The following FREM1 variants were observed in gnomAD, a reference collection of about 807,000 sequenced individuals.
FREM1 encodes FRAS1 related extracellular matrix 1.
A neutral mutation model predicts 210.1 loss-of-function variants in FREM1; 220 were observed. The ratio of observed to expected loss-of-function variants is 1.05; its 90% CI spans 0.94 to 1.17. The LOEUF (loss-of-function observed/expected upper bound fraction) is 1.17, where lower values mean the gene tolerates loss of function less well. FREM1 is among the 50% of genes most tolerant of loss of function. The pLI, the probability that FREM1 is intolerant of heterozygous loss-of-function variation, is 0.00. For synonymous variants in FREM1, 1,189 were observed against 980.2 expected, an observed-to-expected ratio of 1.21 and a Z score of -3.98; for missense variants, 3,454 against 2,675.5, an observed-to-expected ratio of 1.29 and a Z score of -6.42.
Position 14,770,706 on chromosome 9 carries a change from G to A in FREM1, c.4958C>T (p.Ser1653Phe), listed in dbSNP as rs758627757. Residue 1653 changes from serine to phenylalanine, a missense_variant, in exon 26 of 37, where the codon TCC becomes TTC. Transcript: ENST00000380880. ...KNGCYGIYIT[S>F]RVLKASDPDT... Reference sequence around the variant, plus strand: ...AGGGTCTGATGCCTTCAACACGCGGGAAGTGATGTAAATCCCGTAGCAGCC... The same window carrying A: ...AGGGTCTGATGCCTTCAACACGCGGAAAGTGATGTAAATCCCGTAGCAGCC... The A allele has an allele frequency of 3.1e-6, 5 of 1,613,166 alleles. No individual in the cohort carries two copies. The highest frequency in any genetic ancestry group is 2.7e-5 in the African/African-American group (2 of 74,896).
At chr9:14,841,612 C>T (rs769047992) in intron 9 of FREM1, 23 bp from the exon 10 acceptor site, 1 of 1,544,818 alleles carries the variant, frequency 6.5e-7, no homozygotes, top group Admixed American at 1.8e-5. Flanking sequence ...TAAAACACCA[C>T]ATACTTTTGT....
chr9:14,776,306 G>A, intron 24 of FREM1, 103 bp from the exon 25 acceptor site: 1 of 1,296,146 alleles, frequency 7.7e-7, no homozygotes, highest in East Asian at 2.6e-5. Flanking sequence ...GTATTGTCGT[G>A]TTGTGACTCA....
intron 21 of FREM1, among the ~76,000 whole-genome samples, 167 bp from the exon 22 acceptor site, chr9:14,793,051 C>T (rs920991927): frequency 1.6e-4 from 24 of 152,222 alleles, no homozygotes; most frequent in African/African-American, 5.3e-4. Context: ...AGGCTCTCTA[C>T]CCTCACACGT....
intron 10 of FREM1, among the ~76,000 whole-genome samples, chr9:14,832,467 A>C (rs1233285827): frequency 2.0e-5 from 3 of 152,234 alleles, no homozygotes; most frequent in South Asian, 2.1e-4. Context: ...GAGAAAAAAT[A>C]GGGAAGGCAA....
rs759434178 is a variant in FREM1, at chr9:14,801,729, G to A, written c.3617C>T (p.Ser1206Phe). Residue 1206 changes from serine to phenylalanine, a missense_variant, in exon 20 of 37, where the codon TCT (serine) becomes TTT (phenylalanine). By Grantham distance (155) the Ser-to-Phe change is radical. Coordinates refer to ENST00000380880, the MANE Select transcript of FREM1 (RefSeq NM_001379081.2). ...AGGGTTGGCTGGCTGCTTATTCTCAGAGAAGTCTTTGCTAAACCCCCTATC... is the reference window on the plus strand; with the variant it reads ...AGGGTTGGCTGGCTGCTTATTCTCAAAGAAGTCTTTGCTAAACCCCCTATC... ...LIDRGFSKDF[S>F]ENKQPANPHQ... is the part of the protein sequence containing the mutation. 2 of 1,614,006 alleles carry A rather than the reference G, an allele frequency of 1.2e-6. No individual in the cohort carries two copies. Among genetic ancestry groups the A allele is most frequent in the East Asian group, 2.2e-5 (1 of 44,882 alleles).
chr9:14,906,337 C>T (rs751412508), intron 1 of FREM1, among the ~76,000 whole-genome samples: 21 of 152,126 alleles, frequency 1.4e-4, no homozygotes, highest in Non-Finnish European at 2.9e-4. Flanking sequence ...CCGGCCCTTG[C>T]GTCAATACTG....
chr9:14,834,088 G>C (rs564333317), intron 10 of FREM1, among the ~76,000 whole-genome samples: 1 of 152,332 alleles, frequency 6.6e-6, no homozygotes, highest in East Asian at 1.9e-4. Flanking sequence ...TTCGCATTAT[G>C]AGAGAGCTTT....
At chr9:14,806,994 A>ATCATTC in intron 17 of FREM1, 148 bp from the exon 18 acceptor site, 1 of 539,106 alleles carries the variant, frequency 1.9e-6, no homozygotes, top group Non-Finnish European at 3.2e-6. Context: ...TTTCTTTGGC[A>ATCATTC]TCATTCTCTT....
At chr9:14,818,415 G>A (rs1820694774) in intron 14 of FREM1, among the ~76,000 whole-genome samples, 2 of 152,158 alleles carry the variant, frequency 1.3e-5, no homozygotes, top group Admixed American at 6.5e-5. Flanking sequence ...CTTAGTTTCT[G>A]GTCAACTTTC....
chr9:14,833,335 G>C (rs1823928484), intron 10 of FREM1, among the ~76,000 whole-genome samples: 1 of 152,148 alleles, frequency 6.6e-6, no homozygotes, highest in African/African-American at 2.4e-5. Context: ...TATATCTTGG[G>C]AAGCGGCTGT....
intron 27 of FREM1, among the ~76,000 whole-genome samples, chr9:14,761,379 C>A (rs1288154007): frequency 1.3e-5 from 2 of 152,106 alleles, no homozygotes; most frequent in African/African-American, 4.8e-5. Context: ...TTTATTCAGT[C>A]AGATTTAAAA....
In FREM1 at chr9:14,869,021, T is replaced by G; in HGVS notation, c.-44A>C. 7.2e-7 allele frequency: 1 copy of G among 1,380,164 alleles called. No individual in the cohort carries two copies. The highest frequency in any genetic ancestry group is 1.4e-5 in the African/African-American group (1 of 69,684). 85.5% of individuals were successfully genotyped at this position (1,380,164 alleles called of 1,614,324 possible). ...TTCTCTGTCCACCGGCGAAATCCCTTTAACAAAGGAGGGCTTCTGTGCTTC... is the reference window on the plus strand; with the variant it reads ...TTCTCTGTCCACCGGCGAAATCCCTGTAACAAAGGAGGGCTTCTGTGCTTC... On this transcript the variant is annotated 5_prime_UTR_variant, in exon 2 of 37. Transcript: ENST00000380880.
At chr9:14,888,331 T>C (rs1294784313) in intron 1 of FREM1, among the ~76,000 whole-genome samples, 2 of 152,152 alleles carry the variant, frequency 1.3e-5, no homozygotes, top group African/African-American at 4.8e-5. Flanking sequence ...TAACCACTAC[T>C]GTTATATATA....
intron 1 of FREM1, among the ~76,000 whole-genome samples, chr9:14,909,476 G>A (rs1818355521): frequency 1.3e-5 from 2 of 152,156 alleles, no homozygotes; most frequent in African/African-American, 4.8e-5. Context: ...CTAAACTTAA[G>A]CAAAGGTATC....
In FREM1 at chr9:14,825,957, T is replaced by G. The variant is rs1438629300; in HGVS notation, c.1882-965A>C. Among the ~76,000 whole-genome samples the G allele has an allele frequency of 2.0e-5, 3 of 152,142 alleles. 1 individual carries two copies. The highest frequency in any genetic ancestry group is 4.4e-5 in the Non-Finnish European group (3 of 68,026). On this transcript the variant is annotated intron_variant, in intron 10 of 36. Coordinates refer to ENST00000380880, the MANE Select transcript of FREM1 (RefSeq NM_001379081.2). ...AGACTTTTCATACCTCGTGTTATCT[T>G]CAAAAAAGTACAAATGAAATAAGTT...
intron 27 of FREM1, among the ~76,000 whole-genome samples, chr9:14,763,815 T>C (rs1305219116): frequency 1.3e-5 from 2 of 152,214 alleles, no homozygotes; most frequent in Non-Finnish European, 1.5e-5. Flanking sequence ...ATCCTATGTA[T>C]GCTCCAAGGA....
rs764434990 is a variant in FREM1 at position 14,851,584 on chromosome 9, G to C, written c.852C>G (p.Val284=). Residue 284 remains valine (V), a synonymous_variant, in exon 6 of 37, where the codon GTC becomes GTG. Transcript: ENST00000380880. ...GATTCGGAATTCCAGCTCTGATATAGACAGGCAGCCACGCACTCTCTGACT... is the reference window on the plus strand; with the variant it reads ...GATTCGGAATTCCAGCTCTGATATACACAGGCAGCCACGCACTCTCTGACT... ...VYKSESAWLP[V]YIRAGIPNQI... 1.9e-6 allele frequency: 3 copies of C among 1,613,464 alleles called. No individual in the cohort carries two copies. The highest frequency in any genetic ancestry group is 1.7e-5 in the Admixed American group (1 of 60,010).
rs529022197 is a variant in FREM1, at chr9:14,747,860, C to A, written c.5797-132G>T. The A allele has an allele frequency of 1.4e-5, 7 of 513,954 alleles. No homozygotes were observed. In the Admixed American group the frequency reaches 1.9e-4, roughly 14 times the overall value. The allele number at this position is 513,954 out of a possible 1,614,324, so 31.8% of individuals were successfully genotyped here. A position where few individuals can be genotyped will look rare whatever the true frequency, so the allele number is the denominator to read the frequency against. On this transcript the variant is annotated intron_variant, in intron 31 of 36. Transcript: ENST00000380880. The stretch of plus-strand genomic sequence containing the variant: ...ACATATGTAATCTTAAGATTTCCCA[C>A]GCCCAAATCATTGGAATTTCAAAAA...
rs1199630039 is a variant in FREM1 at position 14,788,815 on chromosome 9, A to G, written c.4177+104T>C. The stretch of plus-strand genomic sequence containing the variant: ...ATTTCAAAGATGAAGAGTGGCAGGA[A>G]AAAAGGAAAGAAGGGAGGGAAAGAG... On this transcript the variant is annotated intron_variant, in intron 23 of 36. Coordinates refer to ENST00000380880, the MANE Select transcript of FREM1 (RefSeq NM_001379081.2). 4.4e-6 allele frequency: 4 copies of G among 915,544 alleles called. No homozygotes were observed. In the African/African-American group the frequency reaches 6.7e-5, roughly 15 times the overall value. 56.7% of individuals were successfully genotyped at this position (915,544 alleles called of 1,614,324 possible).
Sources: allele counts gnomAD v4.1 joint callset (sites outside exome capture counted in the v4.1 genomes callset), GRCh38; gene constraint gnomAD v4.1.1; transcripts MANE v1.5; gene names NCBI Gene and HGNC (gene_info 2026-07-23, HGNC 2026-07-21).